The following RGS6 variants were observed in gnomAD, a reference collection of about 807,000 sequenced individuals.
RGS6 encodes the protein regulator of G protein signaling 6.
In RGS6, 30 loss-of-function variants were observed where a neutral mutation model predicts 78.5. That is an observed-to-expected ratio of 0.38 (90% CI 0.29 to 0.52). The LOEUF (loss-of-function observed/expected upper bound fraction) is 0.52. RGS6 is among the 20% of genes least tolerant of loss of function. RGS6 has a pLI of 0.85. For missense variants in RGS6, 495 were observed against 609.7 expected, an observed-to-expected ratio of 0.81 and a Z score of 1.98; for synonymous variants, 206 against 206.0, an observed-to-expected ratio of 1.00 and a Z score of 0.00.
the RGS6 span, among the ~76,000 whole-genome samples, chr14:72,574,066 C>A: frequency 6.6e-6 from 1 of 152,202 alleles, no homozygotes; most frequent in Non-Finnish European, 1.5e-5. Context: ...GCTATCCAGA[C>A]ATGCCCAGTG....
chr14:72,015,120 C>T (rs1014071927), intron 2 of RGS6, among the ~76,000 whole-genome samples: 1 of 152,166 alleles, frequency 6.6e-6, no homozygotes, highest in Non-Finnish European at 1.5e-5. Flanking sequence ...GTACAGGAAG[C>T]ATGGTGCCAG....
chr14:72,304,645 G>A (rs2066831540), intron 2 of RGS6, among the ~76,000 whole-genome samples: 2 of 152,168 alleles, frequency 1.3e-5, no homozygotes. Flanking sequence ...GGGAGGCCAA[G>A]GCGGGAGTGG....
At chr14:72,554,095 A>G (rs2097540217) in intron 17 of RGS6, among the ~76,000 whole-genome samples, 1 of 152,214 alleles carries the variant, frequency 6.6e-6, no homozygotes, top group Non-Finnish European at 1.5e-5. Flanking sequence ...TGCATTCCTG[A>G]TAGTGGGGAA....
At chr14:72,208,136 A>G (rs1382215894) in intron 2 of RGS6, among the ~76,000 whole-genome samples, 2 of 152,196 alleles carry the variant, frequency 1.3e-5, no homozygotes, top group African/African-American at 4.8e-5. Flanking sequence ...AGAGAACACA[A>G]AACCCGATTT....
intron 2 of RGS6, among the ~76,000 whole-genome samples, chr14:72,108,846 T>C (rs1022246712): frequency 6.6e-6 from 1 of 152,128 alleles, no homozygotes; most frequent in African/African-American, 2.4e-5. Context: ...TATGTTAGAA[T>C]TGTGATCTGA....
At chr14:71,964,395 A>G (rs1451871433) in intron 1 of RGS6, among the ~76,000 whole-genome samples, 1 of 152,038 alleles carries the variant, frequency 6.6e-6, no homozygotes, top group Non-Finnish European at 1.5e-5. Context: ...AATGCCAGCT[A>G]CTCGGGAGGC....
chr14:71,922,708 C>A, the RGS6 span, among the ~76,000 whole-genome samples: 1 of 152,234 alleles, frequency 6.6e-6, no homozygotes, highest in Non-Finnish European at 1.5e-5. Flanking sequence ...CCTTAGTCTC[C>A]TTCAGTCTGT....
At chr14:72,280,649 A>G (rs753769973) in intron 2 of RGS6, among the ~76,000 whole-genome samples, 12 of 152,262 alleles carry the variant, frequency 7.9e-5, no homozygotes, top group Non-Finnish European at 1.3e-4. Flanking sequence ...TGGAACTTGC[A>G]AGGTAGTCAG....
intron 6 of RGS6, among the ~76,000 whole-genome samples, chr14:72,460,205 G>A (rs1400752302): frequency 2.6e-5 from 4 of 152,250 alleles, no homozygotes; most frequent in Non-Finnish European, 5.9e-5. Context: ...GGGTGAAGTT[G>A]AGAGTTCTGT....
At position 72,191,629 on chromosome 14, in the gene RGS6, C is replaced by T. The variant is rs115760363; in HGVS notation, c.85-160466C>T. On this transcript the variant is annotated intron_variant, in intron 2 of 17. Transcript: ENST00000553525. Reference sequence around the variant, plus strand: ...ATGATCTGTGACTTAGTCACTATCACGAGAACAGCATGGGCAAGACCCGCC... The same window carrying T: ...ATGATCTGTGACTTAGTCACTATCATGAGAACAGCATGGGCAAGACCCGCC... Among the ~76,000 whole-genome samples the T allele has an allele frequency of 3.2e-3, 489 of 152,296 alleles. 2 individuals are homozygous for T. Among genetic ancestry groups the T allele is most frequent in the African/African-American group, 0.011 (443 of 41,570 alleles).
At chr14:72,130,047 T>C (rs2096281823) in intron 2 of RGS6, among the ~76,000 whole-genome samples, 1 of 152,180 alleles carries the variant, frequency 6.6e-6, no homozygotes, top group South Asian at 2.1e-4. Context: ...CCCACACTTC[T>C]TCCTGGCTGA....
intron 15 of RGS6, among the ~76,000 whole-genome samples, chr14:72,530,758 G>A (rs1449932950): frequency 1.3e-5 from 2 of 152,174 alleles, no homozygotes; most frequent in East Asian, 1.9e-4. Context: ...ATACCCCTCA[G>A]CCTGGGCTCT....
chr14:72,515,256 TC>T (rs539491128), intron 14 of RGS6, among the ~76,000 whole-genome samples: 224 of 147,758 alleles, frequency 1.5e-3, no homozygotes, highest in African/African-American at 5.6e-3. Flanking sequence ...CCTCCCTTTC[TC>T]TCCCCTCCCC....
intron 2 of RGS6, among the ~76,000 whole-genome samples, chr14:72,208,954 A>G (rs896015613): frequency 1.8e-5 from 1 of 55,568 alleles, no homozygotes; most frequent in African/African-American, 5.4e-5. Context: ...AAGAATATCA[A>G]TGAAATAAGA....
At chr14:72,617,579 GC>G in the RGS6 span, among the ~76,000 whole-genome samples, 1 of 152,170 alleles carries the variant, frequency 6.6e-6, no homozygotes, top group Non-Finnish European at 1.5e-5. Context: ...GAGGCCACAG[GC>G]CCCTGCAGGA....
At chr14:72,622,005 C>T in the RGS6 span, among the ~76,000 whole-genome samples, 28,837 of 152,118 alleles carry the variant, frequency 0.19, 3,817 homozygotes, top group African/African-American at 0.37. Context: ...GAGATATGGA[C>T]TTGGGATTCA....
chr14:72,072,695 C>T (rs980729830), intron 2 of RGS6, among the ~76,000 whole-genome samples: 2 of 152,204 alleles, frequency 1.3e-5, no homozygotes, highest in African/African-American at 4.8e-5. Flanking sequence ...TATTAGTTCA[C>T]AGGCCTTTTA....
intron 2 of RGS6, among the ~76,000 whole-genome samples, chr14:72,195,031 A>G (rs1473837888): frequency 6.6e-6 from 1 of 152,154 alleles, no homozygotes; most frequent in East Asian, 1.9e-4. Flanking sequence ...AACATAGCGA[A>G]ACCCCGTGTC....
chr14:72,547,982 C>T (rs1196832813), intron 17 of RGS6, among the ~76,000 whole-genome samples: 1 of 152,192 alleles, frequency 6.6e-6, no homozygotes, highest in African/African-American at 2.4e-5. Context: ...AGGGTGAAAG[C>T]AATGCCCATT....
Sources: allele counts gnomAD v4.1 joint callset (sites outside exome capture counted in the v4.1 genomes callset), GRCh38; gene constraint gnomAD v4.1.1; transcripts MANE v1.5; gene names NCBI Gene and HGNC (gene_info 2026-07-23, HGNC 2026-07-21).